SGSM2: variants seen among roughly 807,000 people sequenced by gnomAD.
SGSM2 encodes the protein RUN and TBC1 domain containing 1.
Under a neutral mutation model 126.6 loss-of-function variants are expected in SGSM2, and 89 were observed. That is an observed-to-expected ratio of 0.70 (90% CI 0.59 to 0.84). SGSM2 has a LOEUF of 0.84. SGSM2 is among the 40% of genes least tolerant of loss of function. The probability of loss-of-function intolerance (pLI) is 0.00; values close to 1 mark genes in which losing one functional copy is unlikely to be tolerated. For synonymous variants in SGSM2, 614 were observed against 574.3 expected (o/e 1.07, Z -0.99); for missense variants, 1,404 against 1,416.6 (o/e 0.99, Z 0.14).
chr17:2,337,849 C>A lies in SGSM2; in HGVS notation c.57+104C>A. 1.3e-6 allele frequency: 1 copy of A among 745,206 alleles called. No individual in the cohort carries two copies. The highest frequency in any genetic ancestry group is 1.9e-6 in the Non-Finnish European group (1 of 531,012). 46.2% of individuals were successfully genotyped at this position (745,206 alleles called of 1,614,324 possible). ...CCCCGGCGCGGGCACCCGGGCCGAA[C>A]CTGGGCCGGGCGGGGCGGGTCCTGG... On this transcript the variant is annotated intron_variant, in intron 1 of 23. Transcript: ENST00000268989. The surrounding 1 kb of genome is among the most constrained non-coding windows in gnomAD (Gnocchi z 5.1).
Position 2,373,060 on chromosome 17 carries a change from G to C in SGSM2, c.1896G>C (p.Met632Ile). ...PFLLGHYKFG[M>I]SKKEMEQVDA... ...TGCTTGGCCACTACAAGTTCGGCATGAGCAAGAAGGAGATGGAGCAGGTGA... is the reference window on the plus strand; with the variant it reads ...TGCTTGGCCACTACAAGTTCGGCATCAGCAAGAAGGAGATGGAGCAGGTGA... The change falls in exon 16 of 24, where the codon ATG (methionine) becomes ATC (isoleucine). Residue 632 changes from methionine to isoleucine, a missense_variant. Met to Ile is a conservative substitution (Grantham distance 10, BLOSUM62 1). Transcript: ENST00000268989. The C allele has an allele frequency of 6.2e-7, 1 of 1,610,458 alleles. No homozygotes were observed. Among genetic ancestry groups the C allele is most frequent in the African/African-American group, 1.3e-5 (1 of 74,676 alleles).
At chr17:2,348,686 C>T (rs1339018846) in intron 2 of SGSM2, among the ~76,000 whole-genome samples, 1 of 152,162 alleles carries the variant, frequency 6.6e-6, no homozygotes, top group Non-Finnish European at 1.5e-5. Flanking sequence ...AACAGAAGAG[C>T]AATGCAGGCA....
At chr17:2,375,240 AG>A (rs1427007572) in intron 17 of SGSM2, 7 of 402,082 alleles carry the variant, frequency 1.7e-5, no homozygotes, top group Non-Finnish European at 3.1e-5. Context: ...CAGTAGCCAC[AG>A]GAAGACCTGG....
chr17:2,361,533 C>A, intron 2 of SGSM2, 104 bp from the exon 3 acceptor site: 1 of 1,437,502 alleles, frequency 7.0e-7, no homozygotes, highest in Non-Finnish European at 9.5e-7. Flanking sequence ...CTGCCCTTGG[C>A]TTGCCCTTAC....
chr17:2,358,111 A>T (rs2065155275), intron 2 of SGSM2, among the ~76,000 whole-genome samples: 1 of 151,990 alleles, frequency 6.6e-6, no homozygotes, highest in Non-Finnish European at 1.5e-5. Context: ...CCACCCTGGG[A>T]GGTGGGGTCA....
intron 2 of SGSM2, among the ~76,000 whole-genome samples, chr17:2,345,915 C>T (rs977112246): frequency 6.6e-6 from 1 of 152,082 alleles, no homozygotes; most frequent in Non-Finnish European, 1.5e-5. Context: ...AACCTTTTTC[C>T]TCTGCCTGCA....
At position 2,362,880 on chromosome 17, in the gene SGSM2, C is replaced by T. The variant is rs373319807; in HGVS notation, c.501C>T (p.Phe167=). 1.1e-5 allele frequency: 18 copies of T among 1,614,048 alleles called. No homozygotes were observed. Among genetic ancestry groups the T allele is most frequent in the African/African-American group, 8.0e-5 (6 of 74,932 alleles). ...EKEALLADPV[F]GPILASLLVG... ...AGGCACTGCTGGCAGACCCTGTGTTCGGCCCGATCCTGGCCTCTCTTCTAG... is the reference window on the plus strand; with the variant it reads ...AGGCACTGCTGGCAGACCCTGTGTTTGGCCCGATCCTGGCCTCTCTTCTAG... Residue 167 remains phenylalanine, a synonymous_variant, in exon 5 of 24, where the codon TTC becomes TTT. Transcript: ENST00000268989. This position sits in a 1 kb window ranked among gnomAD's most constrained non-coding sequence, Gnocchi z 4.9.
intron 2 of SGSM2, among the ~76,000 whole-genome samples, chr17:2,346,520 G>A (rs1417107730): frequency 6.6e-6 from 1 of 152,196 alleles, no homozygotes; most frequent in African/African-American, 2.4e-5. Context: ...TTACCCAACG[G>A]GAGGGGCAAG....
At chr17:2,349,566 A>G (rs2064756946) in intron 2 of SGSM2, among the ~76,000 whole-genome samples, 1 of 152,142 alleles carries the variant, frequency 6.6e-6, no homozygotes, top group East Asian at 1.9e-4. Flanking sequence ...ATAGAGGTAT[A>G]AGTGCATGTT....
At position 2,359,704 on chromosome 17, in the gene SGSM2, C is replaced by T. The variant is rs367794114; in HGVS notation, c.134-1933C>T. 2.5e-3 allele frequency among the ~76,000 whole-genome samples: 381 copies of T among 152,248 alleles called. 2 individuals are homozygous for T. The highest frequency in any genetic ancestry group is 0.024 in the Middle Eastern group (7 of 294). ...GGGGCCGGCCACTCCCCAGTCCCCA[C>T]GGCCTGGCTGCTTTTGCGGTCGCCT... On this transcript the variant is annotated intron_variant, in intron 2 of 23. Transcript: ENST00000268989.
chr17:2,373,054 C>T lies in SGSM2; in HGVS notation c.1890C>T (p.Phe630=), dbSNP rs147437438. The change falls in exon 16 of 24, where the codon TTC becomes TTT. Residue 630 remains phenylalanine, a synonymous_variant. Transcript: ENST00000268989. ...CCTTTCTGCTTGGCCACTACAAGTT[C>T]GGCATGAGCAAGAAGGAGATGGAGC... ...VWPFLLGHYK[F]GMSKKEMEQV... is the part of the protein sequence containing the mutation. 641 of 1,609,684 alleles carry T rather than the reference C, an allele frequency of 4.0e-4. 3 individuals carry two copies. The highest frequency in any genetic ancestry group is 6.6e-4 in the Admixed American group (39 of 59,444).
chr17:2,349,253 G>C (rs2064743548), intron 2 of SGSM2, among the ~76,000 whole-genome samples: 1 of 152,152 alleles, frequency 6.6e-6, no homozygotes, highest in Admixed American at 6.5e-5. Context: ...GTGCACGCCT[G>C]TAATCCCAGC....
At chr17:2,344,624 A>G (rs573943108) in intron 2 of SGSM2, among the ~76,000 whole-genome samples, 101 of 152,312 alleles carry the variant, frequency 6.6e-4, no homozygotes, top group Non-Finnish European at 1.1e-3. Context: ...AGGAGCTTAC[A>G]TTCTGTTGGG....
At chr17:2,366,828 G>C (rs2065610252) in intron 11 of SGSM2, 1 of 154,616 alleles carries the variant, frequency 6.5e-6, no homozygotes, top group East Asian at 1.9e-4. Context: ...GAGGGAAGAA[G>C]GTGGAATTTA....
At chr17:2,373,568 T>C (rs951471503) in intron 17 of SGSM2, 55 bp downstream of exon 17, 141 of 1,499,874 alleles carry the variant, frequency 9.4e-5, no homozygotes, top group Non-Finnish European at 1.2e-4. Flanking sequence ...CCGCGTTTTA[T>C]GCACAGTGGT....
intron 2 of SGSM2, among the ~76,000 whole-genome samples, chr17:2,351,633 C>T (rs2064857336): frequency 6.6e-6 from 1 of 152,190 alleles, no homozygotes; most frequent in African/African-American, 2.4e-5. Flanking sequence ...TCATTTCCCC[C>T]TCCTTGGTTC....
rs150892453 is a variant in SGSM2, at chr17:2,373,471, C to G, written c.2058C>G (p.His686Gln). ...CCTCAGGCAGCAGCATCGACAGCCA[C>G]GTGCAGCGCCTCATCCACCGAGACT... ...KFSSGSSIDS[H>Q]VQRLIHRDST... The change falls in exon 17 of 24, where the codon CAC becomes CAG. Residue 686 changes from histidine (H) to glutamine (Q), a missense_variant. Coordinates refer to ENST00000268989, the MANE Select transcript of SGSM2 (RefSeq NM_014853.3). 5 of 1,587,830 alleles carry G rather than the reference C, an allele frequency of 3.1e-6. No homozygotes were observed. The South Asian group carries it at 4.5e-5, about 14-fold the overall frequency.
At chr17:2,338,774 A>AATAT (rs148031213) in intron 1 of SGSM2, among the ~76,000 whole-genome samples, 9 of 133,890 alleles carry the variant, frequency 6.7e-5, no homozygotes, top group African/African-American at 1.1e-4. Flanking sequence ...CCGTCTCCCT[A>AATAT]ATATATATAT....
intron 2 of SGSM2, among the ~76,000 whole-genome samples, chr17:2,352,534 T>C (rs975053037): frequency 2.6e-5 from 4 of 152,162 alleles, no homozygotes; most frequent in Non-Finnish European, 4.4e-5. Flanking sequence ...CAGTTTCATG[T>C]TGAGTTGTGC....
Sources: allele counts gnomAD v4.1 joint callset (sites outside exome capture counted in the v4.1 genomes callset), GRCh38; gene constraint gnomAD v4.1.1; non-coding constraint Gnocchi (gnomAD v3.1); transcripts MANE v1.5; gene names NCBI Gene and HGNC (gene_info 2026-07-23, HGNC 2026-07-21).